Variants in UNC5C observed in about 807,000 individuals in gnomAD.
UNC5C encodes the protein netrin receptor UNC5C.
In UNC5C, 47 loss-of-function variants were observed where a neutral mutation model predicts 99.8. That is an observed-to-expected ratio of 0.47 (90% CI 0.37 to 0.60). The LOEUF (loss-of-function observed/expected upper bound fraction) is 0.60, where lower values mean the gene tolerates loss of function less well. Among genes scored for constraint, UNC5C ranks in the 20% least tolerant of loss-of-function variants. UNC5C has a pLI of 0.00. For synonymous variants in UNC5C, 487 were observed against 452.2 expected (o/e 1.08, Z -0.98); for missense variants, 1,062 against 1,165.9 (o/e 0.91, Z 1.30).
chr4:95,446,845 C>T (rs995811956), intron 1 of UNC5C, among the ~76,000 whole-genome samples: 8 of 151,622 alleles, frequency 5.3e-5, no homozygotes, highest in African/African-American at 9.7e-5. Context: ...GCATTAAATA[C>T]GTCTGTTGAT....
chr4:95,317,729 A>G lies in UNC5C; in HGVS notation c.347-15980T>C, dbSNP rs569108328. ...GGAGGCCTCAGAAAGCTGGTAAAGA[A>G]CACTAGGGAATGCTTTCATTGCCTG... On this transcript the variant is annotated intron_variant, in intron 2 of 15. Transcript: ENST00000453304. 7.2e-5 allele frequency among the ~76,000 whole-genome samples: 11 copies of G among 152,276 alleles called. 1 individual carries two copies. Among genetic ancestry groups the G allele is most frequent in the Admixed American group, 7.2e-4 (11 of 15,292 alleles).
At chr4:95,179,478 G>GGCTC (rs1736515714) in intron 14 of UNC5C, among the ~76,000 whole-genome samples, 2 of 152,128 alleles carry the variant, frequency 1.3e-5, no homozygotes, top group Admixed American at 6.5e-5. Context: ...CGGGCGTGGT[G>GGCTC]GCTCACGCCT....
intron 1 of UNC5C, among the ~76,000 whole-genome samples, chr4:95,371,596 G>A (rs1441646523): frequency 6.6e-6 from 1 of 152,100 alleles, no homozygotes; most frequent in Non-Finnish European, 1.5e-5. Context: ...ACCTCTCTGT[G>A]TCTTGTTTTT....
intron 1 of UNC5C, among the ~76,000 whole-genome samples, chr4:95,510,510 T>C (rs1722042264): frequency 6.6e-6 from 1 of 152,098 alleles, no homozygotes; most frequent in Non-Finnish European, 1.5e-5. Flanking sequence ...TTAAAGCAAG[T>C]CATATACATA....
intron 14 of UNC5C, among the ~76,000 whole-genome samples, chr4:95,171,190 C>A (rs1163202884): frequency 6.6e-6 from 1 of 151,948 alleles, no homozygotes; most frequent in Non-Finnish European, 1.5e-5. Context: ...TCTACTTAAT[C>A]TACTATAAAT....
At chr4:95,262,008 C>T (rs1740256180) in intron 4 of UNC5C, among the ~76,000 whole-genome samples, 3 of 152,170 alleles carry the variant, frequency 2.0e-5, no homozygotes, top group African/African-American at 7.2e-5. Flanking sequence ...AGTCTGCATT[C>T]CTTCTTATAA....
chr4:95,332,257 C>T (rs949746172), intron 2 of UNC5C, among the ~76,000 whole-genome samples: 11 of 150,740 alleles, frequency 7.3e-5, no homozygotes, highest in Admixed American at 5.3e-4. Context: ...GAGCCCGCAT[C>T]GCCAAGTCAA....
intron 3 of UNC5C, among the ~76,000 whole-genome samples, chr4:95,289,947 G>T (rs1471388523): frequency 1.3e-5 from 2 of 152,224 alleles, no homozygotes; most frequent in East Asian, 1.9e-4. Flanking sequence ...TAAAAATAAA[G>T]AAAAATATTA....
chr4:95,497,633 C>A (rs895231423), intron 1 of UNC5C, among the ~76,000 whole-genome samples: 1 of 151,894 alleles, frequency 6.6e-6, no homozygotes, highest in Middle Eastern at 3.2e-3. Context: ...TAATACACTA[C>A]AAAATGCACA....
chr4:95,187,939 C>G (rs1736901600), intron 12 of UNC5C, among the ~76,000 whole-genome samples: 1 of 152,102 alleles, frequency 6.6e-6, no homozygotes, highest in African/African-American at 2.4e-5. Context: ...AGAGCAGAGG[C>G]TATAAACATG....
chr4:95,471,912 G>C (rs1013723471), intron 1 of UNC5C, among the ~76,000 whole-genome samples: 6 of 151,936 alleles, frequency 3.9e-5, no homozygotes, highest in Non-Finnish European at 7.4e-5. Flanking sequence ...CTAGGTTAGA[G>C]GTATTTTAGG....
chr4:95,382,144 C>T (rs114521655), intron 1 of UNC5C, among the ~76,000 whole-genome samples: 6,713 of 152,078 alleles, frequency 0.044, 211 homozygotes, highest in South Asian at 0.067. Context: ...TGTGGCCCTT[C>T]AGGAACATAT....
At chr4:95,340,942 C>T (rs2626054) in intron 1 of UNC5C, among the ~76,000 whole-genome samples, 84,757 of 151,920 alleles carry the variant, frequency 0.56, 26,217 homozygotes, top group East Asian at 0.99. Context: ...TTAATAAATG[C>T]AATGTGATGT....
intron 4 of UNC5C, among the ~76,000 whole-genome samples, chr4:95,277,848 A>G (rs1459548499): frequency 1.3e-5 from 2 of 152,186 alleles, no homozygotes; most frequent in African/African-American, 2.4e-5. Context: ...TGGAAAATAC[A>G]TATGTAAGGT....
chr4:95,392,249 T>C (rs1275860480), intron 1 of UNC5C, among the ~76,000 whole-genome samples: 1 of 152,116 alleles, frequency 6.6e-6, no homozygotes. Context: ...ATTGAGTAAT[T>C]ATATAGTTAT....
At chr4:95,428,801 C>T (rs1487142771) in intron 1 of UNC5C, among the ~76,000 whole-genome samples, 1 of 152,146 alleles carries the variant, frequency 6.6e-6, no homozygotes, top group African/African-American at 2.4e-5. Flanking sequence ...TTAAGCCCAT[C>T]TATTCAGAGT....
At chr4:95,463,608 A>C (rs1308239501) in intron 1 of UNC5C, among the ~76,000 whole-genome samples, 1 of 152,314 alleles carries the variant, frequency 6.6e-6, no homozygotes, top group South Asian at 2.1e-4. Context: ...TGTGAGACAA[A>C]AGAGAAAAAA....
At chr4:95,231,340 T>C (rs565502029) in intron 7 of UNC5C, among the ~76,000 whole-genome samples, 2 of 152,290 alleles carry the variant, frequency 1.3e-5, no homozygotes, top group South Asian at 4.1e-4. Flanking sequence ...AGATGATAGA[T>C]TCATATCTTA....
intron 1 of UNC5C, among the ~76,000 whole-genome samples, chr4:95,546,606 T>C (rs992928005): frequency 6.6e-6 from 1 of 152,316 alleles, no homozygotes; most frequent in East Asian, 1.9e-4. Context: ...AGAACTGCAG[T>C]GAAATGCATA....
Sources: gnomAD v4.1 joint callset for allele counts (sites outside exome capture counted in the v4.1 genomes callset) on GRCh38, gnomAD v4.1.1 for gene constraint, MANE v1.5 for transcripts, NCBI Gene and HGNC (gene_info 2026-07-23, HGNC 2026-07-21) for gene names.